The following DSCAML1 variants were observed in gnomAD, a reference collection of about 807,000 sequenced individuals.
The protein encoded by DSCAML1 is DS cell adhesion molecule like 1.
Under a neutral mutation model 200.5 loss-of-function variants are expected in DSCAML1, and 38 were observed. That is an observed-to-expected ratio of 0.19 (90% confidence interval 0.15 to 0.25). The LOEUF (loss-of-function observed/expected upper bound fraction) is 0.25, where lower values mean the gene tolerates loss of function less well. Ranked by LOEUF, DSCAML1 falls within the 10% of genes least tolerant of loss-of-function variation. DSCAML1 has a pLI of 1.00. For missense variants in DSCAML1, 2,223 were observed against 2,858.8 expected (o/e 0.78, Z 5.07); for synonymous variants, 1,215 against 1,165.0 (o/e 1.04, Z -0.87).
intron 3 of DSCAML1, among the ~76,000 whole-genome samples, chr11:117,727,869 A>G (rs1395428278): frequency 6.6e-6 from 1 of 152,214 alleles, no homozygotes; most frequent in Non-Finnish European, 1.5e-5. Flanking sequence ...GGGGCTCAGA[A>G]GTGATCATTC....
chr11:117,626,178 G>T (rs896202581), intron 3 of DSCAML1, among the ~76,000 whole-genome samples: 1 of 147,938 alleles, frequency 6.8e-6, no homozygotes, highest in African/African-American at 2.5e-5. Context: ...GCGGTGTTTA[G>T]CACAGCCCAC....
chr11:117,628,949 G>C (rs2052112268), intron 3 of DSCAML1, among the ~76,000 whole-genome samples: 1 of 152,038 alleles, frequency 6.6e-6, no homozygotes, highest in Non-Finnish European at 1.5e-5. Flanking sequence ...TCCCACCCCA[G>C]CCAGCTGCTG....
intron 14 of DSCAML1, among the ~76,000 whole-genome samples, chr11:117,472,660 G>C (rs1244434531): frequency 6.6e-6 from 1 of 152,154 alleles, no homozygotes; most frequent in African/African-American, 2.4e-5. Context: ...GGCCACCAAA[G>C]AGATTAACAT....
intron 1 of DSCAML1, among the ~76,000 whole-genome samples, chr11:117,791,558 C>G (rs889963113): frequency 3.9e-5 from 6 of 152,226 alleles, no homozygotes; most frequent in Non-Finnish European, 7.3e-5. Flanking sequence ...CTTCAGCCCT[C>G]TTCATTTCCA....
chr11:117,697,000 G>A (rs963323152), intron 3 of DSCAML1, among the ~76,000 whole-genome samples: 1 of 152,204 alleles, frequency 6.6e-6, no homozygotes, highest in African/African-American at 2.4e-5. Context: ...CATTTAACAA[G>A]GACCTTCTAT....
intron 3 of DSCAML1, among the ~76,000 whole-genome samples, chr11:117,624,072 T>TG (rs2051994698): frequency 6.6e-6 from 1 of 152,120 alleles, no homozygotes; most frequent in Non-Finnish European, 1.5e-5. Flanking sequence ...GGAGGAGCAG[T>TG]GAAAAAATAG....
chr11:117,524,730 G>C, intron 5 of DSCAML1, 75 bp downstream of exon 5: 1 of 1,498,108 alleles, frequency 6.7e-7, no homozygotes, highest in Non-Finnish European at 8.9e-7. Flanking sequence ...TCCAGCTGTC[G>C]GCCACACTCC....
At chr11:117,478,093 T>C (rs2048833932) in intron 14 of DSCAML1, among the ~76,000 whole-genome samples, 2 of 152,246 alleles carry the variant, frequency 1.3e-5, no homozygotes. Context: ...GCTGTAAGAA[T>C]AGCATCTTCC....
rs1357629158 is a variant in DSCAML1 at position 117,518,809 on chromosome 11, G to T, written c.1214-47C>A. Reference sequence around the variant, plus strand: ...CTTCAGGGTCACCAAGCCATGGAGAGACGGTCCCCCCAGCCACCCCACCTC... The same window carrying T: ...CTTCAGGGTCACCAAGCCATGGAGATACGGTCCCCCCAGCCACCCCACCTC... On this transcript the variant is annotated intron_variant, in intron 6 of 32. Coordinates refer to ENST00000651296, the MANE Select transcript of DSCAML1 (RefSeq NM_020693.4). This position sits in a 1 kb window ranked among gnomAD's most constrained non-coding sequence, Gnocchi z 6.3. The T allele has an allele frequency of 1.9e-6, 3 of 1,561,174 alleles. No homozygotes were observed. The highest frequency in any genetic ancestry group is 1.4e-5 in the African/African-American group (1 of 73,734).
chr11:117,629,927 C>T (rs1459217071), intron 3 of DSCAML1, among the ~76,000 whole-genome samples: 1 of 152,150 alleles, frequency 6.6e-6, no homozygotes, highest in African/African-American at 2.4e-5. Context: ...GTTGAGACTG[C>T]TTGAGCCCTG....
At chr11:117,817,048 G>A (rs2055816655) in intron 1 of DSCAML1, among the ~76,000 whole-genome samples, 1 of 152,214 alleles carries the variant, frequency 6.6e-6, no homozygotes, top group Admixed American at 6.5e-5. Flanking sequence ...TCAGAGGCTG[G>A]ATGGGTTTGG....
At chr11:117,435,493 A>C in intron 27 of DSCAML1, 151 bp downstream of exon 27, 1 of 841,080 alleles carries the variant, frequency 1.2e-6, no homozygotes, top group Non-Finnish European at 1.7e-6. Context: ...TGAACTAAGG[A>C]GGTTTCAGAA....
At chr11:117,433,595 G>A in intron 27 of DSCAML1, 124 bp from the exon 28 acceptor site, 1 of 1,003,190 alleles carries the variant, frequency 1.0e-6, no homozygotes, top group South Asian at 1.7e-5. Context: ...GGTCTCCTAA[G>A]AAGCAGAAGG....
intron 3 of DSCAML1, among the ~76,000 whole-genome samples, chr11:117,608,684 A>G (rs1244171878): frequency 1.3e-5 from 2 of 152,206 alleles, no homozygotes; most frequent in Non-Finnish European, 2.9e-5. Flanking sequence ...TTTCACTAGC[A>G]TAAGTCTTCA....
At chr11:117,690,734 T>G (rs977684439) in intron 3 of DSCAML1, among the ~76,000 whole-genome samples, 2 of 152,194 alleles carry the variant, frequency 1.3e-5, no homozygotes, top group African/African-American at 2.4e-5. Flanking sequence ...AGGTCACACT[T>G]ATTCTTGTTT....
chr11:117,599,483 C>T lies in DSCAML1; in HGVS notation c.512-66961G>A, dbSNP rs1271653385. On this transcript the variant is annotated intron_variant, in intron 3 of 32. Transcript: ENST00000651296. ...TTGAGTATGAATGCCTTTCTCCAAA[C>T]GAAATCACATATGAGCCCCAGAATT... Among the ~76,000 whole-genome samples, 5 of 152,272 alleles carry T rather than the reference C, an allele frequency of 3.3e-5. No individual in the cohort carries two copies. In the South Asian group the frequency reaches 8.3e-4, roughly 25 times the overall value.
At chr11:117,472,106 C>T in intron 14 of DSCAML1, 70 bp from the exon 15 acceptor site, 2 of 1,562,684 alleles carry the variant, frequency 1.3e-6, no homozygotes, top group South Asian at 1.2e-5. Context: ...CCTGAAGTAC[C>T]AGTACAACCC....
chr11:117,812,475 C>T (rs557826026), intron 1 of DSCAML1, among the ~76,000 whole-genome samples: 21 of 152,126 alleles, frequency 1.4e-4, no homozygotes, highest in African/African-American at 4.1e-4. Flanking sequence ...CTCTCCTATC[C>T]GCAATACCTC....
chr11:117,455,960 T>A (rs2048360874), intron 19 of DSCAML1, among the ~76,000 whole-genome samples: 1 of 152,242 alleles, frequency 6.6e-6, no homozygotes, highest in South Asian at 2.1e-4. Flanking sequence ...CAGAGACAGC[T>A]GTCTCTACTG....
Sources: gnomAD v4.1 joint callset for allele counts (sites outside exome capture counted in the v4.1 genomes callset) on GRCh38, gnomAD v4.1.1 for gene constraint, Gnocchi (gnomAD v3.1) non-coding constraint, MANE v1.5 for transcripts, NCBI Gene and HGNC (gene_info 2026-07-23, HGNC 2026-07-21) for gene names.